Variants in DOK5 observed in about 807,000 individuals in gnomAD.
DOK5 encodes the protein docking protein 5.
A neutral mutation model predicts 43.3 loss-of-function variants in DOK5; 27 were observed. The ratio of observed to expected loss-of-function variants is 0.62; its 90% CI spans 0.46 to 0.86. DOK5 has a LOEUF of 0.86. Ranked by LOEUF, DOK5 falls within the 40% of genes least tolerant of loss-of-function variation. The pLI, the probability that DOK5 is intolerant of heterozygous loss-of-function variation, is 0.00. For synonymous variants in DOK5, 146 were observed against 140.1 expected, an observed-to-expected ratio of 1.04 and a Z score of -0.30; for missense variants, 373 against 392.9, an observed-to-expected ratio of 0.95 and a Z score of 0.43.
chr20:54,597,830 G>A (rs567972103), intron 5 of DOK5, among the ~76,000 whole-genome samples: 1 of 152,348 alleles, frequency 6.6e-6, no homozygotes, highest in South Asian at 2.1e-4. Flanking sequence ...GCAGAGCTAA[G>A]GGAGAGAAAG....
chr20:54,556,387 T>G (rs1984708615), intron 2 of DOK5, among the ~76,000 whole-genome samples: 1 of 152,226 alleles, frequency 6.6e-6, no homozygotes, highest in Non-Finnish European at 1.5e-5. Flanking sequence ...GTTGTTGAAT[T>G]GAAAATGTAT....
chr20:54,571,391 G>T (rs1031454937), intron 2 of DOK5, among the ~76,000 whole-genome samples: 1 of 152,184 alleles, frequency 6.6e-6, no homozygotes, highest in Non-Finnish European at 1.5e-5. Flanking sequence ...TCCAGGAGGT[G>T]CCATTCTGAG....
intron 2 of DOK5, among the ~76,000 whole-genome samples, chr20:54,583,686 A>G (rs900495977): frequency 3.9e-5 from 6 of 152,092 alleles, no homozygotes; most frequent in African/African-American, 1.4e-4. Context: ...TTAATCTGAT[A>G]TAAGTATTGC....
intron 2 of DOK5, among the ~76,000 whole-genome samples, chr20:54,576,319 A>G (rs915864620): frequency 6.6e-6 from 1 of 152,220 alleles, no homozygotes; most frequent in Non-Finnish European, 1.5e-5. Context: ...TCATTCACAT[A>G]GAAGACTACT....
Position 54,493,120 on chromosome 20 carries a change from C to A in DOK5, c.66+17108C>A, listed in dbSNP as rs1450493419. ...CCCTCTGCTCCTTGGCTCAATCCCC[C>A]ACTCCCCAAATCTGTTCCCTTTATG... On this transcript the variant is annotated intron_variant, in intron 1 of 7. Transcript: ENST00000262593. 2.0e-5 allele frequency among the ~76,000 whole-genome samples: 3 copies of A among 151,646 alleles called. 1 individual carries two copies. Among genetic ancestry groups the A allele is most frequent in the Non-Finnish European group, 4.4e-5 (3 of 67,928 alleles).
intron 1 of DOK5, among the ~76,000 whole-genome samples, chr20:54,527,276 A>T (rs867252950): frequency 6.6e-5 from 10 of 152,052 alleles, no homozygotes; most frequent in Middle Eastern, 3.4e-3. Context: ...TTTAAATTCA[A>T]TTTTTTTCCT....
In DOK5 at chr20:54,539,530, G is replaced by C. The variant is rs539377877; in HGVS notation, c.67-15403G>C. ...TCTCTCTGTAGTATTTGCTGCAACT[G>C]CCTGTGACTCAACTATTATCTCCAA... On this transcript the variant is annotated intron_variant, in intron 1 of 7. Transcript: ENST00000262593. Among the ~76,000 whole-genome samples the C allele has an allele frequency of 2.0e-5, 3 of 152,242 alleles. No homozygotes were observed. The East Asian group carries it at 5.8e-4, about 29-fold the overall frequency.
chr20:54,485,004 C>A (rs779226698), intron 1 of DOK5, among the ~76,000 whole-genome samples: 3 of 152,056 alleles, frequency 2.0e-5, no homozygotes, highest in Admixed American at 6.6e-5. Context: ...AACGACAGAG[C>A]AAGATGAGAC....
At chr20:54,532,886 A>G (rs527910888) in intron 1 of DOK5, among the ~76,000 whole-genome samples, 2 of 152,260 alleles carry the variant, frequency 1.3e-5, no homozygotes, top group South Asian at 4.1e-4. Context: ...TTTCAAGTAT[A>G]TCCTCCTGGG....
chr20:54,486,948 A>G (rs998946965), intron 1 of DOK5, among the ~76,000 whole-genome samples: 1 of 152,040 alleles, frequency 6.6e-6, no homozygotes, highest in Non-Finnish European at 1.5e-5. Context: ...CATGTTTTTG[A>G]TAATAAAAAA....
At chr20:54,504,399 G>A (rs929540757) in intron 1 of DOK5, among the ~76,000 whole-genome samples, 1 of 152,206 alleles carries the variant, frequency 6.6e-6, no homozygotes, top group Admixed American at 6.5e-5. Context: ...GTTCAATGAA[G>A]GCACTGAGCC....
chr20:54,493,942 ATAAAAAT>A (rs1982292488), intron 1 of DOK5, among the ~76,000 whole-genome samples: 1 of 152,198 alleles, frequency 6.6e-6, no homozygotes, highest in Non-Finnish European at 1.5e-5. Flanking sequence ...AAGTCTCAAA[ATAAAAAT>A]TAAAAATTAA....
intron 1 of DOK5, among the ~76,000 whole-genome samples, chr20:54,549,218 T>C (rs934995446): frequency 1.3e-5 from 2 of 152,296 alleles, no homozygotes; most frequent in Admixed American, 1.3e-4. Flanking sequence ...ATTTGTCTGG[T>C]CCCAACTGAA....
At position 54,650,868 on chromosome 20, in the gene DOK5, A is replaced by G. The variant is rs1446804909; in HGVS notation, c.*389A>G. 4 of 163,688 alleles carry G rather than the reference A, an allele frequency of 2.4e-5. No homozygotes were observed. Among genetic ancestry groups the G allele is most frequent in the African/African-American group, 9.6e-5 (4 of 41,776 alleles). The allele number at this position is 163,688 out of a possible 1,614,324, so 10.1% of individuals were successfully genotyped here. A position where few individuals can be genotyped will look rare whatever the true frequency, so the allele number is the denominator to read the frequency against. ...TGTATGACAGTCAGTATTGACAATA[A>G]AATGGCTTTTAATTATTTGTTATTT... On this transcript the variant is annotated 3_prime_UTR_variant, in exon 8 of 8. Transcript: ENST00000262593.
chr20:54,579,458 T>G (rs765166725), intron 2 of DOK5, among the ~76,000 whole-genome samples: 1 of 152,110 alleles, frequency 6.6e-6, no homozygotes, highest in Admixed American at 6.5e-5. Flanking sequence ...TACAGTGCAG[T>G]ATTGTTAATT....
In DOK5 at chr20:54,503,367, A is replaced by G. The variant is rs73911916; in HGVS notation, c.66+27355A>G. ...GGGGTATTGGAAAAGTAGTATAATC[A>G]GGTGGAATGCAGGAAGTCACAAAGT... On this transcript the variant is annotated intron_variant, in intron 1 of 7. Coordinates refer to ENST00000262593, the MANE Select transcript of DOK5 (RefSeq NM_018431.5). Among the ~76,000 whole-genome samples the G allele has an allele frequency of 8.8e-3, 1,333 of 152,302 alleles. 21 individuals carry two copies. Among genetic ancestry groups the G allele is most frequent in the African/African-American group, 0.03 (1,252 of 41,552 alleles).
At chr20:54,504,081 T>G (rs1234730458) in intron 1 of DOK5, among the ~76,000 whole-genome samples, 2 of 152,204 alleles carry the variant, frequency 1.3e-5, no homozygotes, top group East Asian at 3.9e-4. Flanking sequence ...GTGAGAGTAG[T>G]GTGCACTGCC....
chr20:54,480,925 CA>C (rs1981646258), intron 1 of DOK5, among the ~76,000 whole-genome samples: 2 of 121,014 alleles, frequency 1.7e-5, no homozygotes, highest in East Asian at 1.9e-4. Context: ...ATCTATCTAT[CA>C]ATCATCTATC....
intron 5 of DOK5, among the ~76,000 whole-genome samples, chr20:54,608,397 C>A (rs1336554743): frequency 2.0e-5 from 3 of 152,084 alleles, no homozygotes; most frequent in African/African-American, 7.2e-5. Context: ...GTATGAAAAA[C>A]AAAACCTTAC....
Sources: gnomAD v4.1 joint callset for allele counts (sites outside exome capture counted in the v4.1 genomes callset) on GRCh38, gnomAD v4.1.1 for gene constraint, MANE v1.5 for transcripts, NCBI Gene and HGNC (gene_info 2026-07-23, HGNC 2026-07-21) for gene names.